Variants in ARHGEF3 observed in about 807,000 individuals in gnomAD.
ARHGEF3 encodes Rho guanine nucleotide exchange factor 3.
In ARHGEF3, 28 loss-of-function variants were observed where a neutral mutation model predicts 63.2. The ratio of observed to expected loss-of-function variants is 0.44; its 90% CI spans 0.33 to 0.61. The LOEUF (loss-of-function observed/expected upper bound fraction) is 0.61. Among genes scored for constraint, ARHGEF3 ranks in the 20% least tolerant of loss-of-function variants. The pLI is 0.03. For synonymous variants in ARHGEF3, 266 were observed against 254.2 expected (o/e 1.05, Z -0.44); for missense variants, 533 against 659.3 (o/e 0.81, Z 2.10).
intron 3 of ARHGEF3, chr3:56,938,613 TA>T (rs1699023386): frequency 6.6e-6 from 1 of 152,320 alleles, no homozygotes; most frequent in South Asian, 2.1e-4. Flanking sequence ...CATGAGCACG[TA>T]ACATACATGA....
chr3:57,049,887 C>T (rs1022202470), intron 1 of ARHGEF3, among the ~76,000 whole-genome samples: 5 of 152,200 alleles, frequency 3.3e-5, no homozygotes, highest in Non-Finnish European at 7.3e-5. Flanking sequence ...AAGGGCACTA[C>T]ATTAATCCCC....
At chr3:56,731,047 C>T (rs937555968) in intron 9 of ARHGEF3, among the ~76,000 whole-genome samples, 7 of 152,152 alleles carry the variant, frequency 4.6e-5, no homozygotes, top group South Asian at 2.1e-4. Flanking sequence ...CATGTAAATG[C>T]TTATACAATG....
At chr3:57,001,955 A>T (rs1352995395) in intron 2 of ARHGEF3, among the ~76,000 whole-genome samples, 2 of 113,454 alleles carry the variant, frequency 1.8e-5, no homozygotes, top group Non-Finnish European at 3.3e-5. Flanking sequence ...ACGGAGTCTC[A>T]CTCTGTTGCC....
At chr3:56,811,150 T>G (rs943865733) in intron 4 of ARHGEF3, among the ~76,000 whole-genome samples, 3 of 152,196 alleles carry the variant, frequency 2.0e-5, no homozygotes, top group African/African-American at 7.2e-5. Flanking sequence ...AAATCTATAC[T>G]CCGAGTAAAC....
At chr3:56,731,663 C>A (rs541760938) in intron 9 of ARHGEF3, 1 of 133,004 alleles carries the variant, frequency 7.5e-6, no homozygotes, top group South Asian at 2.9e-4. Context: ...CATCACAATG[C>A]AAGCTCCATA....
At chr3:57,013,973 T>C (rs1431389747) in intron 2 of ARHGEF3, among the ~76,000 whole-genome samples, 1 of 152,220 alleles carries the variant, frequency 6.6e-6, no homozygotes, top group African/African-American at 2.4e-5. Context: ...TCCTCTGCTC[T>C]TTGCAATAAA....
At chr3:57,049,676 A>G (rs1342977844) in intron 1 of ARHGEF3, among the ~76,000 whole-genome samples, 1 of 152,192 alleles carries the variant, frequency 6.6e-6, no homozygotes, top group East Asian at 1.9e-4. Context: ...AGAATCCAGT[A>G]GGGAAACAAA....
chr3:56,803,675 T>C (rs371401684), upstream of ARHGEF3, among the ~76,000 whole-genome samples: 30 of 151,824 alleles, frequency 2.0e-4, no homozygotes, highest in African/African-American at 7.0e-4. Flanking sequence ...TGGTAGTGCA[T>C]GCCTGTAGTC....
At chr3:56,984,516 A>G (rs779327262) in intron 2 of ARHGEF3, among the ~76,000 whole-genome samples, 37 of 152,188 alleles carry the variant, frequency 2.4e-4, no homozygotes, top group Non-Finnish European at 4.7e-4. Flanking sequence ...CAATGATTAT[A>G]TTAAAATACT....
At chr3:57,063,643 G>A (rs1026956447) in intron 1 of ARHGEF3, among the ~76,000 whole-genome samples, 5 of 152,176 alleles carry the variant, frequency 3.3e-5, no homozygotes, top group Admixed American at 6.5e-5. Context: ...CAGGAGAGTC[G>A]GGCATCCTAG....
intron 1 of ARHGEF3, among the ~76,000 whole-genome samples, chr3:57,056,263 T>C (rs1285846076): frequency 6.6e-6 from 1 of 151,520 alleles, no homozygotes; most frequent in Non-Finnish European, 1.5e-5. Flanking sequence ...AGCACACACC[T>C]GTAATTCCAG....
At chr3:57,019,769 CAAG>C (rs1255555276) in intron 2 of ARHGEF3, among the ~76,000 whole-genome samples, 4 of 152,126 alleles carry the variant, frequency 2.6e-5, no homozygotes, top group African/African-American at 7.2e-5. Flanking sequence ...AAGGAATTGA[CAAG>C]AAGGATTATT....
At chr3:56,757,469 C>T (rs192661516) in intron 2 of ARHGEF3, among the ~76,000 whole-genome samples, 12 of 150,690 alleles carry the variant, frequency 8.0e-5, no homozygotes, top group Middle Eastern at 3.4e-3. Flanking sequence ...AGTGAGACTC[C>T]GTCTCAGAAA....
At chr3:56,839,102 G>T (rs1433662490) in intron 4 of ARHGEF3, among the ~76,000 whole-genome samples, 1 of 152,036 alleles carries the variant, frequency 6.6e-6, no homozygotes, top group African/African-American at 2.4e-5. Context: ...TTGTGCCACT[G>T]CATTCCATCC....
At chr3:57,042,723 G>C (rs1457189796) in intron 1 of ARHGEF3, among the ~76,000 whole-genome samples, 1 of 94,822 alleles carries the variant, frequency 1.1e-5, no homozygotes, top group Non-Finnish European at 2.0e-5. Flanking sequence ...TTTAGACGGA[G>C]TCTCGCTCTG....
At chr3:56,779,029 A>G (rs560932640) in intron 1 of ARHGEF3, among the ~76,000 whole-genome samples, 58 of 151,278 alleles carry the variant, frequency 3.8e-4, no homozygotes, top group African/African-American at 1.4e-3. Flanking sequence ...CAAGGACAAC[A>G]CTCCCAGGCA....
At chr3:56,743,186 C>A (rs188577830) in intron 7 of ARHGEF3, among the ~76,000 whole-genome samples, 2 of 152,232 alleles carry the variant, frequency 1.3e-5, no homozygotes, top group African/African-American at 4.8e-5. Context: ...CTGTGCTGGA[C>A]TGGGGGCCTG....
chr3:56,878,461 G>A (rs2040663481), intron 4 of ARHGEF3, among the ~76,000 whole-genome samples: 1 of 152,144 alleles, frequency 6.6e-6, no homozygotes, highest in Non-Finnish European at 1.5e-5. Flanking sequence ...AATAGTGACC[G>A]ATTATATCAT....
chr3:56,967,966 ATTT>A (rs1312162824), intron 2 of ARHGEF3, among the ~76,000 whole-genome samples: 2 of 65,178 alleles, frequency 3.1e-5, no homozygotes, highest in Non-Finnish European at 5.3e-5. Context: ...TATAAAATAT[ATTT>A]TATATTATAG....
Sources: gnomAD v4.1 joint callset for allele counts (sites outside exome capture counted in the v4.1 genomes callset) on GRCh38, gnomAD v4.1.1 for gene constraint, MANE v1.5 for transcripts, NCBI Gene and HGNC (gene_info 2026-07-23, HGNC 2026-07-21) for gene names.